GLI2: variants seen among roughly 807,000 people sequenced by gnomAD.
GLI2 encodes GLI family zinc finger 2.
GLI2 carries 22 observed loss-of-function variants against 78.9 expected under a neutral mutation model. The observed-to-expected ratio is 0.28, with a 90% CI of 0.20 to 0.40. GLI2 has a LOEUF of 0.40. GLI2 is among the 10% of genes least tolerant of loss of function. The pLI, the probability that GLI2 is intolerant of heterozygous loss-of-function variation, is 1.00. For missense variants in GLI2, 2,097 were observed against 2,213.2 expected (o/e 0.95, Z 1.05); for synonymous variants, 974 against 963.7 (o/e 1.01, Z -0.20).
At position 120,951,397 on chromosome 2, in the gene GLI2, C is replaced by T. The variant is rs763231787; in HGVS notation, c.409C>T (p.Pro137Ser). The T allele has an allele frequency of 6.2e-7, 1 of 1,613,594 alleles. No individual in the cohort carries two copies. Among genetic ancestry groups the T allele is most frequent in the East Asian group, 2.2e-5 (1 of 44,856 alleles). ...CTACCTCCGTTCTGTGCACAGCAGC[C>T]CCACGCTCTCCATGATCTCTGCAGC... ...EHYLRSVHSS[P>S]TLSMISAARG... The change falls in exon 4 of 14, where the codon CCC becomes TCC. Residue 137 changes from proline to serine, a missense_variant. This residue lies in a region of GLI2 where 578 missense variants were observed against 612.0 expected (regional missense o/e 0.94). Coordinates refer to ENST00000361492, the MANE Select transcript of GLI2 (RefSeq NM_001374353.1).
intron 2 of GLI2, among the ~76,000 whole-genome samples, chr2:120,893,494 T>C (rs1053922088): frequency 3.3e-5 from 5 of 152,210 alleles, no homozygotes; most frequent in Non-Finnish European, 7.3e-5. Flanking sequence ...AGATTTCTCA[T>C]GGCTCAGTTC....
intron 1 of GLI2, among the ~76,000 whole-genome samples, chr2:120,795,553 A>G (rs919527931): frequency 6.6e-6 from 1 of 151,248 alleles, no homozygotes; most frequent in Non-Finnish European, 1.5e-5. Flanking sequence ...AAAAAACAAC[A>G]TAAAACAGAA....
At chr2:120,890,602 G>A (rs925349590) in intron 2 of GLI2, among the ~76,000 whole-genome samples, 1 of 152,210 alleles carries the variant, frequency 6.6e-6, no homozygotes, top group Non-Finnish European at 1.5e-5. Flanking sequence ...TGCAAGACAT[G>A]ATTGGGGAAA....
At chr2:120,962,221 GT>G (rs924170359) in intron 5 of GLI2, among the ~76,000 whole-genome samples, 4 of 152,166 alleles carry the variant, frequency 2.6e-5, no homozygotes, top group African/African-American at 9.7e-5. Flanking sequence ...TCCAGGGCCT[GT>G]TCTTGCATCT....
At chr2:120,879,637 C>T (rs1482516297) in intron 2 of GLI2, among the ~76,000 whole-genome samples, 1 of 152,212 alleles carries the variant, frequency 6.6e-6, no homozygotes, top group Non-Finnish European at 1.5e-5. Flanking sequence ...CTGCCTCTGG[C>T]TGCGGCCCCA....
intron 2 of GLI2, among the ~76,000 whole-genome samples, chr2:120,897,216 C>A (rs1366678495): frequency 6.6e-6 from 1 of 152,236 alleles, no homozygotes; most frequent in Admixed American, 6.5e-5. Context: ...GCAAACTCCC[C>A]GTGTTGACTT....
Position 120,955,019 on chromosome 2 carries a change from G to A in GLI2, c.458-226G>A, listed in dbSNP as rs555639660. Among the ~76,000 whole-genome samples, 4 of 152,222 alleles carry A rather than the reference G, an allele frequency of 2.6e-5. No homozygotes were observed. The South Asian group carries it at 8.3e-4, about 32-fold the overall frequency. On this transcript the variant is annotated intron_variant, in intron 4 of 13. Coordinates refer to ENST00000361492, the MANE Select transcript of GLI2 (RefSeq NM_001374353.1). ...TGAAGTGGTGGAGTACAGAGGTCGG[G>A]GTCTGGCCTCCTTCAGCAGCAACAC...
chr2:120,748,951 T>TCCATCCATCCATCCTTCCAC (rs1468713567), intron 1 of GLI2, among the ~76,000 whole-genome samples: 4 of 152,068 alleles, frequency 2.6e-5, no homozygotes, highest in Non-Finnish European at 4.4e-5. Flanking sequence ...TACCCATCCA[T>TCCATCCATCCATCCTTCCAC]CCATCCATCC....
chr2:120,905,940 G>A (rs146072613), intron 2 of GLI2, among the ~76,000 whole-genome samples: 87 of 147,150 alleles, frequency 5.9e-4, no homozygotes, highest in Non-Finnish European at 1.1e-3. Flanking sequence ...CCCGTCCCCT[G>A]CCCGTCGTTG....
chr2:120,793,798 C>T (rs1285897059), intron 1 of GLI2, among the ~76,000 whole-genome samples: 2 of 152,204 alleles, frequency 1.3e-5, no homozygotes, highest in African/African-American at 4.8e-5. Context: ...ACTACATTCA[C>T]CCTGTTTCTG....
intron 2 of GLI2, among the ~76,000 whole-genome samples, chr2:120,852,254 C>T (rs1687439691): frequency 6.6e-6 from 1 of 152,164 alleles, no homozygotes; most frequent in African/African-American, 2.4e-5. Context: ...TCATCCCTAC[C>T]CTGCCCAGGC....
At chr2:120,773,961 C>T (rs1035773432) in intron 1 of GLI2, among the ~76,000 whole-genome samples, 2 of 139,568 alleles carry the variant, frequency 1.4e-5, no homozygotes, top group African/African-American at 5.2e-5. Context: ...CTCCTTCCCT[C>T]CCTCCTTCCC....
intron 1 of GLI2, among the ~76,000 whole-genome samples, chr2:120,774,363 A>G (rs954130139): frequency 2.0e-5 from 3 of 152,202 alleles, no homozygotes; most frequent in Admixed American, 6.5e-5. Context: ...GCTTTTTAGA[A>G]TATTAACAAA....
chr2:120,826,804 C>T (rs1455736289), intron 2 of GLI2, among the ~76,000 whole-genome samples: 1 of 152,188 alleles, frequency 6.6e-6, no homozygotes, highest in African/African-American at 2.4e-5. Context: ...TCTGTACCTG[C>T]GGTCCCCAGT....
Position 120,800,441 on chromosome 2 carries a change from A to G in GLI2, c.148+2973A>G. Among the ~76,000 whole-genome samples the G allele has an allele frequency of 6.6e-6, 1 of 151,638 alleles. No individual in the cohort carries two copies. Among genetic ancestry groups the G allele is most frequent in the Non-Finnish European group, 1.5e-5 (1 of 67,904 alleles). On this transcript the variant is annotated intron_variant, in intron 2 of 13. Coordinates refer to ENST00000361492, the MANE Select transcript of GLI2 (RefSeq NM_001374353.1). The surrounding 1 kb of genome is among the most constrained non-coding windows in gnomAD (Gnocchi z 4.1). Reference sequence around the variant, plus strand: ...CGTGACATTGTCCCCCATGGTTCACACCCTGATTTGCTGTCTGGCGGAAAG... The same window carrying G: ...CGTGACATTGTCCCCCATGGTTCACGCCCTGATTTGCTGTCTGGCGGAAAG...
chr2:120,841,242 C>T (rs1395544789), intron 2 of GLI2, among the ~76,000 whole-genome samples: 1 of 152,198 alleles, frequency 6.6e-6, no homozygotes, highest in Non-Finnish European at 1.5e-5. Flanking sequence ...AAATCCTTGG[C>T]GTCTGCCTTA....
chr2:120,818,391 T>G (rs545179170), intron 2 of GLI2, among the ~76,000 whole-genome samples: 19 of 152,200 alleles, frequency 1.2e-4, no homozygotes, highest in African/African-American at 4.6e-4. Context: ...GAGACAGAGA[T>G]AAATGGTGTG....
At chr2:120,903,021 G>A (rs187189691) in intron 2 of GLI2, among the ~76,000 whole-genome samples, 28 of 152,216 alleles carry the variant, frequency 1.8e-4, no homozygotes, top group Non-Finnish European at 2.8e-4. Flanking sequence ...TGGCAGAGGG[G>A]GCATTTATTG....
chr2:120,803,131 G>T (rs538033085), intron 2 of GLI2, among the ~76,000 whole-genome samples: 1 of 152,370 alleles, frequency 6.6e-6, no homozygotes, highest in Admixed American at 6.5e-5. Flanking sequence ...ACACAGGCCT[G>T]CCAGGGCACT....
Sources: allele counts gnomAD v4.1 joint callset (sites outside exome capture counted in the v4.1 genomes callset), GRCh38; gene constraint gnomAD v4.1.1; regional missense constraint gnomAD v4.1.1; non-coding constraint Gnocchi (gnomAD v3.1); transcripts MANE v1.5; gene names NCBI Gene and HGNC (gene_info 2026-07-23, HGNC 2026-07-21).